The following GPRC6A variants were observed in gnomAD, a reference collection of about 807,000 sequenced individuals.
GPRC6A encodes G protein-coupled receptor class C group 6 member A, also known as G protein-coupled receptor family C group 6 member A.
A neutral mutation model predicts 47.0 loss-of-function variants in GPRC6A; 54 were observed. The observed-to-expected ratio is 1.15, with a 90% CI of 0.92 to 1.44. The LOEUF (loss-of-function observed/expected upper bound fraction) is 1.44, where lower values mean the gene tolerates loss of function less well. Among genes scored for constraint, GPRC6A ranks in the 40% most tolerant of loss-of-function variants. GPRC6A has a pLI of 0.00. For missense variants in GPRC6A, 1,112 were observed against 1,105.5 expected (o/e 1.01, Z -0.08); for synonymous variants, 347 against 377.1 (o/e 0.92, Z 0.93).
chr6:116,813,698 G>T (rs1454436741), intron 1 of GPRC6A, among the ~76,000 whole-genome samples: 7 of 152,144 alleles, frequency 4.6e-5, no homozygotes, highest in African/African-American at 1.7e-4. Context: ...ATAGGCATGG[G>T]CAAGGACTTC....
At chr6:116,801,854 T>C (rs1425849978) in intron 3 of GPRC6A, among the ~76,000 whole-genome samples, 1 of 152,062 alleles carries the variant, frequency 6.6e-6, no homozygotes, top group Non-Finnish European at 1.5e-5. Context: ...AGATCTAACA[T>C]GGTGGAATTC....
chr6:116,812,533 T>A (rs751544683), intron 1 of GPRC6A, among the ~76,000 whole-genome samples: 9 of 151,998 alleles, frequency 5.9e-5, no homozygotes, highest in Non-Finnish European at 8.8e-5. Flanking sequence ...ACATAGAATA[T>A]ATAAAACAAA....
chr6:116,824,816 T>C (rs947882960), intron 1 of GPRC6A, among the ~76,000 whole-genome samples: 2 of 152,008 alleles, frequency 1.3e-5, no homozygotes, highest in African/African-American at 2.4e-5. Context: ...CCAATATCTC[T>C]GATGAACATA....
chr6:116,797,412 T>G (rs994572484), intron 4 of GPRC6A, among the ~76,000 whole-genome samples: 18 of 152,262 alleles, frequency 1.2e-4, no homozygotes, highest in Non-Finnish European at 1.2e-4. Flanking sequence ...TTATCTGATG[T>G]TTTGGACTAT....
intron 1 of GPRC6A, among the ~76,000 whole-genome samples, chr6:116,821,379 C>T (rs985865726): frequency 1.1e-4 from 17 of 151,902 alleles, no homozygotes; most frequent in Non-Finnish European, 1.9e-4. Flanking sequence ...CATATGGAAC[C>T]AAAAAAGAGC....
At chr6:116,820,249 A>G (rs572824332) in intron 1 of GPRC6A, among the ~76,000 whole-genome samples, 5 of 152,344 alleles carry the variant, frequency 3.3e-5, no homozygotes, top group Admixed American at 2.0e-4. Context: ...CCAGGACCAG[A>G]TGGATTCACA....
intron 5 of GPRC6A, 102 bp downstream of exon 5, chr6:116,795,610 T>C (rs1474611745): frequency 1.0e-6 from 1 of 1,001,816 alleles, no homozygotes; most frequent in Non-Finnish European, 1.4e-6. Flanking sequence ...GGGAAGCTTT[T>C]TAAATTTTTT....
At chr6:116,815,913 G>T (rs912967200) in intron 1 of GPRC6A, among the ~76,000 whole-genome samples, 3 of 152,192 alleles carry the variant, frequency 2.0e-5, no homozygotes, top group Non-Finnish European at 4.4e-5. Flanking sequence ...GGTTTAATTG[G>T]CTCATGGTCC....
chr6:116,826,908 GA>G (rs1773696718), intron 1 of GPRC6A, among the ~76,000 whole-genome samples: 1 of 151,986 alleles, frequency 6.6e-6, no homozygotes, highest in African/African-American at 2.4e-5. Flanking sequence ...CAACATGGAT[GA>G]AACTGGAGGC....
chr6:116,799,154 G>A (rs910703556), intron 4 of GPRC6A, among the ~76,000 whole-genome samples: 2 of 152,188 alleles, frequency 1.3e-5, no homozygotes, highest in South Asian at 2.1e-4. Flanking sequence ...GAGAATATCA[G>A]TTCTGTTTTG....
chr6:116,797,005 G>T lies in GPRC6A; in HGVS notation c.1549-1170C>A, dbSNP rs143782704. Among the ~76,000 whole-genome samples the T allele has an allele frequency of 4.5e-3, 678 of 152,126 alleles. 4 individuals carry two copies. Among genetic ancestry groups the T allele is most frequent in the African/African-American group, 0.016 (646 of 41,502 alleles). The stretch of plus-strand genomic sequence containing the variant: ...CCACTAACTCGTCATCTAGCATTAG[G>T]TATATCTCCCAGTGCTATCCCTCCC... On this transcript the variant is annotated intron_variant, in intron 4 of 5. Transcript: ENST00000310357.
At chr6:116,796,671 T>A (rs553501390) in intron 4 of GPRC6A, among the ~76,000 whole-genome samples, 1 of 152,272 alleles carries the variant, frequency 6.6e-6, no homozygotes, top group African/African-American at 2.4e-5. Context: ...ATCCAGTCTT[T>A]CTCTGGAAGA....
At chr6:116,812,481 A>G (rs1239975925) in intron 1 of GPRC6A, among the ~76,000 whole-genome samples, 2 of 152,210 alleles carry the variant, frequency 1.3e-5, no homozygotes, top group African/African-American at 4.8e-5. Flanking sequence ...GTAGATATTC[A>G]TCTACCAAAC....
chr6:116,823,644 A>G (rs538723985), intron 1 of GPRC6A, among the ~76,000 whole-genome samples: 2 of 152,090 alleles, frequency 1.3e-5, no homozygotes, highest in East Asian at 3.9e-4. Flanking sequence ...TCTGGTACCA[A>G]GTTTCTGTAT....
In GPRC6A at chr6:116,809,496, C is replaced by T; in HGVS notation, c.316G>A (p.Val106Ile). 6.2e-7 allele frequency: 1 copy of T among 1,613,558 alleles called. No individual in the cohort carries two copies. Among genetic ancestry groups the T allele is most frequent in the Non-Finnish European group, 8.5e-7 (1 of 1,179,678 alleles). The part of the protein sequence containing the change: ...GYEIYDTCTE[V>I]TVAMAATLRF... ...AGAGTGGCTGCCATTGCCACTGTGA[C>T]TTCTGTACAAGTGTCATAGATTTCA... is the stretch of plus-strand genomic sequence containing the variant. Residue 106 changes from valine to isoleucine, a missense_variant, in exon 2 of 6, where the codon GTC (valine) becomes ATC (isoleucine). Transcript: ENST00000310357.
At chr6:116,809,068 T>C (rs1360945856) in intron 2 of GPRC6A, among the ~76,000 whole-genome samples, 1 of 152,184 alleles carries the variant, frequency 6.6e-6, no homozygotes, top group Non-Finnish European at 1.5e-5. Flanking sequence ...TTTTTGCTAT[T>C]CTTTGGGCAT....
intron 1 of GPRC6A, among the ~76,000 whole-genome samples, chr6:116,820,293 G>A (rs1479456868): frequency 6.6e-6 from 1 of 152,142 alleles, no homozygotes; most frequent in Non-Finnish European, 1.5e-5. Context: ...GGAGGAACTG[G>A]TACCATTCCT....
chr6:116,802,381 T>C (rs1772702300), intron 3 of GPRC6A, among the ~76,000 whole-genome samples: 1 of 152,158 alleles, frequency 6.6e-6, no homozygotes, highest in South Asian at 2.1e-4. Context: ...AAATTCACTA[T>C]CAATTGACAC....
At chr6:116,820,841 G>A (rs1411035680) in intron 1 of GPRC6A, among the ~76,000 whole-genome samples, 1 of 150,878 alleles carries the variant, frequency 6.6e-6, no homozygotes, top group Non-Finnish European at 1.5e-5. Flanking sequence ...TCAACGTAGT[G>A]TTGGAAGTTC....
Sources: allele counts gnomAD v4.1 joint callset (sites outside exome capture counted in the v4.1 genomes callset), GRCh38; gene constraint gnomAD v4.1.1; transcripts MANE v1.5; gene names NCBI Gene and HGNC (gene_info 2026-07-23, HGNC 2026-07-21).